CCNY: variants seen among roughly 807,000 people sequenced by gnomAD.
The protein encoded by CCNY is cyclin-Y.
Under a neutral mutation model 42.8 loss-of-function variants are expected in CCNY, and 19 were observed. The observed-to-expected ratio is 0.44, with a 90% CI of 0.31 to 0.65. The LOEUF is 0.65. CCNY is among the 30% of genes least tolerant of loss of function. CCNY has a pLI of 0.07. For synonymous variants in CCNY, 165 were observed against 162.7 expected (o/e 1.01, Z -0.11); for missense variants, 370 against 437.3 (o/e 0.85, Z 1.37).
intron 1 of CCNY, among the ~76,000 whole-genome samples, chr10:35,352,863 G>A (rs904981198): frequency 1.3e-5 from 2 of 152,068 alleles, no homozygotes; most frequent in African/African-American, 4.8e-5. Flanking sequence ...TAAGGCCAAG[G>A]CAGGCACAGG....
chr10:35,409,335 AG>A (rs2135243967), intron 1 of CCNY, among the ~76,000 whole-genome samples: 1 of 152,328 alleles, frequency 6.6e-6, no homozygotes, highest in East Asian at 1.9e-4. Flanking sequence ...GCCCTTTTTC[AG>A]ATCCTGTTCC....
intron 7 of CCNY, among the ~76,000 whole-genome samples, chr10:35,535,486 C>A (rs111888976): frequency 6.6e-6 from 1 of 152,158 alleles, no homozygotes; most frequent in African/African-American, 2.4e-5. Context: ...GCTTTTGGCT[C>A]TCTCTGTCTC....
chr10:35,255,224 A>G (rs2095714659), intron 3 of CCNY, among the ~76,000 whole-genome samples: 1 of 152,176 alleles, frequency 6.6e-6, no homozygotes, highest in African/African-American at 2.4e-5. Flanking sequence ...AAAGTCTACA[A>G]CTGTTATCCT....
intron 1 of CCNY, among the ~76,000 whole-genome samples, chr10:35,459,691 C>T (rs1384342211): frequency 6.6e-6 from 1 of 152,164 alleles, no homozygotes; most frequent in African/African-American, 2.4e-5. Context: ...TAGCGGGTTC[C>T]ACCTCCTCCA....
At chr10:35,260,449 AG>A (rs1230554110) in intron 3 of CCNY, among the ~76,000 whole-genome samples, 1 of 152,184 alleles carries the variant, frequency 6.6e-6, no homozygotes, top group Non-Finnish European at 1.5e-5. Flanking sequence ...GAATTGCAAT[AG>A]TATGTCAAAT....
rs568188901 is a variant in CCNY at position 35,461,572 on chromosome 10, TG to T, written c.155-21829del. 3.0e-3 allele frequency among the ~76,000 whole-genome samples: 455 copies of T among 152,216 alleles called. 1 individual carries two copies. Among genetic ancestry groups the T allele is most frequent in the Non-Finnish European group, 4.9e-3 (331 of 68,014 alleles). On this transcript the variant is annotated intron_variant, in intron 1 of 9. Coordinates refer to ENST00000374704, the MANE Select transcript of CCNY (RefSeq NM_145012.6). ...TGGAGTTTATAAGGAAGTGCACAGT[TG>T]GGCCCAGGAGAAGGTTCAGAAACCC...
intron 1 of CCNY, among the ~76,000 whole-genome samples, chr10:35,369,138 C>T (rs1036792187): frequency 2.0e-5 from 3 of 152,110 alleles, no homozygotes; most frequent in Admixed American, 6.5e-5. Flanking sequence ...ATATTCAGGC[C>T]GAAATGACCT....
chr10:35,330,412 T>C (rs1175898161), intron 3 of CCNY, among the ~76,000 whole-genome samples: 3 of 152,144 alleles, frequency 2.0e-5, no homozygotes, highest in African/African-American at 7.2e-5. Flanking sequence ...GATTCTCCTA[T>C]AGGGAGCCAA....
At chr10:35,252,244 A>C (rs2095712467) in intron 3 of CCNY, among the ~76,000 whole-genome samples, 1 of 152,126 alleles carries the variant, frequency 6.6e-6, no homozygotes, top group Admixed American at 6.6e-5. Flanking sequence ...AGGCTCCTCA[A>C]CAGCACAGTT....
chr10:35,467,751 G>A (rs1475978366), intron 1 of CCNY, among the ~76,000 whole-genome samples: 5 of 152,182 alleles, frequency 3.3e-5, no homozygotes, highest in Admixed American at 6.5e-5. Flanking sequence ...ATGTTTCACC[G>A]TTAAGTATAC....
chr10:35,288,531 G>A (rs1231525690), intron 3 of CCNY, among the ~76,000 whole-genome samples: 1 of 151,950 alleles, frequency 6.6e-6, no homozygotes, highest in African/African-American at 2.4e-5. Flanking sequence ...TTAATGGTTT[G>A]TGCTTTTGTG....
chr10:35,554,234 C>T (rs1211773138), intron 8 of CCNY, among the ~76,000 whole-genome samples: 1 of 152,084 alleles, frequency 6.6e-6, no homozygotes, highest in Non-Finnish European at 1.5e-5. Context: ...CTAGGGCCCT[C>T]CTTGCCTCTG....
intron 3 of CCNY, among the ~76,000 whole-genome samples, chr10:35,254,698 T>C (rs992238367): frequency 9.9e-5 from 15 of 151,826 alleles, no homozygotes; most frequent in African/African-American, 3.4e-4. Context: ...CATGGTGGAC[T>C]GAGCCTGTAG....
intron 7 of CCNY, among the ~76,000 whole-genome samples, chr10:35,540,564 C>CTTTTTTTTTT (rs561129843): frequency 2.1e-5 from 3 of 144,808 alleles, no homozygotes; most frequent in African/African-American, 5.1e-5. Context: ...ATTCCTTCTA[C>CTTTTTTTTTT]TTTTTTTTTT....
At chr10:35,490,677 C>T (rs967287545) in intron 2 of CCNY, among the ~76,000 whole-genome samples, 19 of 152,212 alleles carry the variant, frequency 1.2e-4, no homozygotes, top group Admixed American at 5.2e-4. Context: ...AGGGAAAGTC[C>T]ATAGGACAAA....
At chr10:35,526,981 C>G (rs1041969172) in intron 5 of CCNY, among the ~76,000 whole-genome samples, 48 of 152,262 alleles carry the variant, frequency 3.2e-4, no homozygotes, top group African/African-American at 1.1e-3. Flanking sequence ...CCCGTGGGAG[C>G]CCCACACGTT....
At chr10:35,327,853 A>AT (rs939671539) in intron 3 of CCNY, 5 of 152,200 alleles carry the variant, frequency 3.3e-5, no homozygotes, top group African/African-American at 7.2e-5. Context: ...CAGGCCCTCC[A>AT]TGGTGGCTCC....
chr10:35,273,302 A>T (rs974349598), intron 3 of CCNY, among the ~76,000 whole-genome samples: 50 of 151,914 alleles, frequency 3.3e-4, no homozygotes, highest in African/African-American at 9.9e-4. Context: ...CCAGGGTCCA[A>T]GCGATTCTCC....
Position 35,522,205 on chromosome 10 carries a change from G to A in CCNY, c.366-3759G>A, listed in dbSNP as rs181550733. Among the ~76,000 whole-genome samples the A allele has an allele frequency of 3.3e-5, 5 of 152,288 alleles. No individual in the cohort carries two copies. The East Asian group carries it at 9.7e-4, about 29-fold the overall frequency. Reference sequence around the variant, plus strand: ...AAGAAAGCAAAGTTTTCTTCAATGTGGTGCCATTCATTGGTTCCCTCTAAA... The same window carrying A: ...AAGAAAGCAAAGTTTTCTTCAATGTAGTGCCATTCATTGGTTCCCTCTAAA... On this transcript the variant is annotated intron_variant, in intron 4 of 9. Coordinates refer to ENST00000374704, the MANE Select transcript of CCNY (RefSeq NM_145012.6).
Sources: gnomAD v4.1 joint callset for allele counts (sites outside exome capture counted in the v4.1 genomes callset) on GRCh38, gnomAD v4.1.1 for gene constraint, MANE v1.5 for transcripts, NCBI Gene and HGNC (gene_info 2026-07-23, HGNC 2026-07-21) for gene names.